The following TBC1D5 variants were observed in gnomAD, a reference collection of about 807,000 sequenced individuals.
The protein encoded by TBC1D5 is TBC1 domain family, member 5.
A neutral mutation model predicts 100.3 loss-of-function variants in TBC1D5; 75 were observed. The observed-to-expected ratio is 0.75, with a 90% confidence interval of 0.62 to 0.91. The LOEUF (loss-of-function observed/expected upper bound fraction) is 0.91, where lower values mean the gene tolerates loss of function less well. TBC1D5 is among the 40% of genes least tolerant of loss of function. The pLI, the probability that TBC1D5 is intolerant of heterozygous loss-of-function variation, is 0.00. For missense variants in TBC1D5, 910 were observed against 942.4 expected (o/e 0.97, Z 0.45); for synonymous variants, 323 against 325.6 (o/e 0.99, Z 0.09).
intron 5 of TBC1D5, among the ~76,000 whole-genome samples, chr3:17,405,770 A>T (rs1192109950): frequency 6.6e-6 from 1 of 152,120 alleles, no homozygotes; most frequent in Non-Finnish European, 1.5e-5. Context: ...CAGTATGCTT[A>T]ATTTATGCAG....
intron 14 of TBC1D5, among the ~76,000 whole-genome samples, chr3:17,305,239 C>A (rs753824131): frequency 2.2e-4 from 34 of 152,144 alleles, no homozygotes; most frequent in Non-Finnish European, 4.3e-4. Flanking sequence ...GGGGTTACAA[C>A]ACAAACTAAG....
At chr3:17,483,910 T>A (rs563335847) in intron 3 of TBC1D5, among the ~76,000 whole-genome samples, 1 of 152,326 alleles carries the variant, frequency 6.6e-6, no homozygotes, top group African/African-American at 2.4e-5. Context: ...GCCCATACCT[T>A]ATTTAGTTCT....
At chr3:17,642,910 C>A (rs2064663767) in intron 1 of TBC1D5, among the ~76,000 whole-genome samples, 1 of 152,084 alleles carries the variant, frequency 6.6e-6, no homozygotes, top group Non-Finnish European at 1.5e-5. Context: ...TCCCACATAA[C>A]CTTCAATTAG....
In TBC1D5 at chr3:17,258,605, C is replaced by T. The variant is rs2149431019; in HGVS notation, c.1246-14G>A. The T allele has an allele frequency of 2.5e-6, 4 of 1,599,248 alleles. No homozygotes were observed. Among genetic ancestry groups the T allele is most frequent in the East Asian group, 2.2e-5 (1 of 44,606 alleles). ...TCTTGGATTTCTCTAAAAAAAAATACATTTTTAAAAAGCTAGTTAAATGAT... is the reference window on the plus strand; with the variant it reads ...TCTTGGATTTCTCTAAAAAAAAATATATTTTTAAAAAGCTAGTTAAATGAT... On this transcript the variant is annotated splice_polypyrimidine_tract_variant and intron_variant, in intron 15 of 21. Transcript: ENST00000253692.
intron 1 of TBC1D5, among the ~76,000 whole-genome samples, chr3:17,703,741 C>T (rs1406261207): frequency 6.6e-6 from 1 of 152,098 alleles, no homozygotes; most frequent in African/African-American, 2.4e-5. Context: ...ACAATGACCT[C>T]ATACATATGA....
intron 8 of TBC1D5, among the ~76,000 whole-genome samples, chr3:17,400,777 T>C (rs2152409850): frequency 6.6e-6 from 1 of 152,238 alleles, no homozygotes; most frequent in Non-Finnish European, 1.5e-5. Context: ...GCTTGCTGAA[T>C]CTTCCAGCCT....
In TBC1D5 at chr3:17,214,765, T is replaced by C. The variant is rs1402920583; in HGVS notation, c.1589-395A>G. 2.6e-5 allele frequency among the ~76,000 whole-genome samples: 4 copies of C among 152,204 alleles called. No individual in the cohort carries two copies. The East Asian group carries it at 5.8e-4, about 22-fold the overall frequency. ...TATACTGCACTTTACATTAGCAAGA[T>C]TAAAAAATCCAAATCTTTGGCCAAA... On this transcript the variant is annotated intron_variant, in intron 17 of 21. Transcript: ENST00000253692.
chr3:17,663,986 C>T (rs538138151), intron 1 of TBC1D5, among the ~76,000 whole-genome samples: 1 of 152,180 alleles, frequency 6.6e-6, no homozygotes, highest in Non-Finnish European at 1.5e-5. Flanking sequence ...TCCATTCTTA[C>T]AACAACCCAA....
At chr3:17,365,198 G>A (rs2092027815) in intron 13 of TBC1D5, among the ~76,000 whole-genome samples, 1 of 152,022 alleles carries the variant, frequency 6.6e-6, no homozygotes. Context: ...CTTTCCAGTA[G>A]TCCTCTTACA....
chr3:17,657,608 T>C (rs1479067021), intron 1 of TBC1D5, among the ~76,000 whole-genome samples: 1 of 152,170 alleles, frequency 6.6e-6, no homozygotes, highest in Non-Finnish European at 1.5e-5. Context: ...GTGCTGGGAT[T>C]ACAGGCGTGA....
chr3:17,217,387 A>C (rs746886496), intron 17 of TBC1D5, among the ~76,000 whole-genome samples: 4 of 152,114 alleles, frequency 2.6e-5, no homozygotes, highest in Non-Finnish European at 4.4e-5. Flanking sequence ...TCTCACGTAG[A>C]TATCTAGAAG....
intron 1 of TBC1D5, among the ~76,000 whole-genome samples, chr3:17,718,617 T>G (rs958899313): frequency 3.3e-5 from 5 of 151,946 alleles, no homozygotes; most frequent in African/African-American, 1.2e-4. Flanking sequence ...AATAAAATAA[T>G]TTACCATTGT....
chr3:17,555,877 C>G (rs1267340984), intron 2 of TBC1D5, among the ~76,000 whole-genome samples: 1 of 152,182 alleles, frequency 6.6e-6, no homozygotes, highest in East Asian at 1.9e-4. Flanking sequence ...CCATGACCGA[C>G]CTTTCCATTC....
intron 18 of TBC1D5, among the ~76,000 whole-genome samples, chr3:17,193,630 T>C (rs900371997): frequency 6.6e-6 from 1 of 152,240 alleles, no homozygotes; most frequent in African/African-American, 2.4e-5. Flanking sequence ...CTTCATTTCT[T>C]ACCCCTTTTT....
rs527391791 is a variant in TBC1D5, at chr3:17,487,937, A to T, written c.97+20537T>A. On this transcript the variant is annotated intron_variant, in intron 3 of 21. Transcript: ENST00000253692. Reference sequence around the variant, plus strand: ...ACAGTTTCCACTATTAACATCTTCCATTAGTATAGTGCATCTGTTACATGA... The same window carrying T: ...ACAGTTTCCACTATTAACATCTTCCTTTAGTATAGTGCATCTGTTACATGA... Among the ~76,000 whole-genome samples the T allele has an allele frequency of 7.2e-4, 109 of 152,346 alleles. 1 individual carries two copies. In the South Asian group the frequency reaches 8.3e-3, roughly 12 times the overall value.
rs141949991 is a variant in TBC1D5 at position 17,727,491 on chromosome 3, G to C, written c.-101+11852C>G. Among the ~76,000 whole-genome samples the C allele has an allele frequency of 7.0e-3, 1,064 of 152,316 alleles. 13 individuals are homozygous for C. The highest frequency in any genetic ancestry group is 0.013 in the Non-Finnish European group (851 of 68,026). On this transcript the variant is annotated intron_variant, in intron 1 of 21. Coordinates refer to ENST00000253692, the Ensembl canonical transcript of TBC1D5. ...TCAATCTTGTTTCTGCCAAGAAACA[G>C]AGTCATAAGAAACAATAACAAAAGC...
At chr3:17,662,226 C>A (rs1482455597) in intron 1 of TBC1D5, among the ~76,000 whole-genome samples, 1 of 152,192 alleles carries the variant, frequency 6.6e-6, no homozygotes, top group Non-Finnish European at 1.5e-5. Context: ...TTGAGAGTAA[C>A]TCAGATACCT....
intron 13 of TBC1D5, among the ~76,000 whole-genome samples, chr3:17,314,040 T>A (rs777769087): frequency 3.2e-4 from 48 of 152,182 alleles, no homozygotes; most frequent in Non-Finnish European, 5.9e-4. Flanking sequence ...AGCTCAGGGT[T>A]TAGGACACTG....
intron 3 of TBC1D5, among the ~76,000 whole-genome samples, chr3:17,450,039 G>A (rs1301097536): frequency 6.6e-6 from 1 of 152,162 alleles, no homozygotes; most frequent in Admixed American, 6.5e-5. Context: ...GGAAGGGGCA[G>A]GCCGCAATCT....
Sources: gnomAD v4.1 joint callset for allele counts (sites outside exome capture counted in the v4.1 genomes callset) on GRCh38, gnomAD v4.1.1 for gene constraint, MANE v1.5 for transcripts, NCBI Gene and HGNC (gene_info 2026-07-23, HGNC 2026-07-21) for gene names.